SPIDR: variants seen among roughly 807,000 people sequenced by gnomAD.
The protein encoded by SPIDR is scaffold protein involved in DNA repair, also known as DNA repair-scaffolding protein.
SPIDR carries 93 observed loss-of-function variants against 104.6 expected under a neutral mutation model. The ratio of observed to expected loss-of-function variants is 0.89; its 90% CI spans 0.75 to 1.06. SPIDR has a LOEUF of 1.06. Among genes scored for constraint, SPIDR ranks in the 50% least tolerant of loss-of-function variants. SPIDR has a pLI of 0.00. For missense variants in SPIDR, 1,154 were observed against 1,111.2 expected, an observed-to-expected ratio of 1.04 and a Z score of -0.55; for synonymous variants, 431 against 416.9, an observed-to-expected ratio of 1.03 and a Z score of -0.41.
chr8:47,660,843 C>A, intron 10 of SPIDR: 1 of 498,532 alleles, frequency 2.0e-6, no homozygotes, highest in Non-Finnish European at 2.6e-6. Context: ...CTTAGGAGAG[C>A]TGGCCCTTAA....
chr8:47,515,351 A>G (rs1261030964), intron 8 of SPIDR, among the ~76,000 whole-genome samples: 1 of 152,224 alleles, frequency 6.6e-6, no homozygotes, highest in African/African-American at 2.4e-5. Flanking sequence ...TTCTCCAAAC[A>G]CTTAGCAAAG....
chr8:47,570,480 A>G (rs1385042954), intron 8 of SPIDR, among the ~76,000 whole-genome samples: 2 of 152,206 alleles, frequency 1.3e-5, no homozygotes, highest in African/African-American at 4.8e-5. Flanking sequence ...ACAAGAAGAA[A>G]TCTTCCTGAC....
intron 10 of SPIDR, among the ~76,000 whole-genome samples, chr8:47,648,130 A>T (rs1004305412): frequency 1.7e-4 from 26 of 152,332 alleles, no homozygotes; most frequent in African/African-American, 6.0e-4. Context: ...TGAGTCCTCC[A>T]TTAGGGCAAG....
chr8:47,269,035 CTCA>C (rs2034690636), intron 1 of SPIDR, among the ~76,000 whole-genome samples: 1 of 152,002 alleles, frequency 6.6e-6, no homozygotes, highest in Non-Finnish European at 1.5e-5. Flanking sequence ...GATGTGGTGG[CTCA>C]TGCCTGTGGT....
chr8:47,401,094 G>A (rs990481588), intron 6 of SPIDR, among the ~76,000 whole-genome samples: 8 of 152,014 alleles, frequency 5.3e-5, no homozygotes, highest in East Asian at 1.9e-4. Flanking sequence ...GAGAAAGGTC[G>A]GGTTACTCAC....
intron 5 of SPIDR, among the ~76,000 whole-genome samples, chr8:47,393,269 C>T (rs972359559): frequency 6.6e-6 from 1 of 152,180 alleles, no homozygotes; most frequent in Admixed American, 6.5e-5. Flanking sequence ...GTTATTGCAT[C>T]CTTTTCCTCA....
intron 10 of SPIDR, among the ~76,000 whole-genome samples, chr8:47,627,772 G>A (rs1422910264): frequency 1.4e-4 from 21 of 152,172 alleles, no homozygotes; most frequent in African/African-American, 2.4e-5. Flanking sequence ...AACCAGACCC[G>A]CCGGTTCATT....
intron 8 of SPIDR, among the ~76,000 whole-genome samples, chr8:47,519,584 A>T (rs1411652508): frequency 6.6e-6 from 1 of 152,192 alleles, no homozygotes; most frequent in Admixed American, 6.5e-5. Flanking sequence ...GGAGTTCAGA[A>T]CTAGTCTGGG....
At chr8:47,442,774 A>AT (rs1321308689) in intron 8 of SPIDR, among the ~76,000 whole-genome samples, 1 of 151,626 alleles carries the variant, frequency 6.6e-6, no homozygotes, top group Non-Finnish European at 1.5e-5. Flanking sequence ...TTCTTTTTCT[A>AT]TTTTTTGTAG....
intron 10 of SPIDR, among the ~76,000 whole-genome samples, chr8:47,670,946 C>T (rs1197534768): frequency 4.0e-5 from 6 of 151,862 alleles, no homozygotes; most frequent in Non-Finnish European, 8.8e-5. Flanking sequence ...TCTCACTGTG[C>T]CACCCAGGCT....
chr8:47,531,895 A>C (rs72646352), intron 8 of SPIDR, among the ~76,000 whole-genome samples: 6,667 of 152,292 alleles, frequency 0.044, 229 homozygotes, highest in Middle Eastern at 0.12. Flanking sequence ...ATCATATAAA[A>C]TGGCCAATTA....
chr8:47,271,225 A>G (rs1029330097), intron 1 of SPIDR, among the ~76,000 whole-genome samples: 1 of 152,086 alleles, frequency 6.6e-6, no homozygotes, highest in South Asian at 2.1e-4. Context: ...TGCTATTTGG[A>G]GTTTTTAAGC....
chr8:47,699,469 G>A (rs910623698), intron 11 of SPIDR, among the ~76,000 whole-genome samples: 2 of 152,152 alleles, frequency 1.3e-5, no homozygotes, highest in East Asian at 1.9e-4. Context: ...GCCAGGTCTC[G>A]GAAGTGCAGT....
chr8:47,633,406 G>A (rs1010357671), intron 10 of SPIDR, among the ~76,000 whole-genome samples: 7 of 152,104 alleles, frequency 4.6e-5, no homozygotes, highest in African/African-American at 1.7e-4. Context: ...CTTTATAGGA[G>A]GGGGATGGCA....
intron 8 of SPIDR, among the ~76,000 whole-genome samples, chr8:47,461,413 GC>G: frequency 6.6e-6 from 1 of 152,258 alleles, no homozygotes; most frequent in East Asian, 1.9e-4. Flanking sequence ...CCGGATTCAA[GC>G]GATTCTCCTG....
chr8:47,566,093 G>A (rs566897851), intron 8 of SPIDR, among the ~76,000 whole-genome samples: 495 of 132,534 alleles, frequency 3.7e-3, no homozygotes, highest in African/African-American at 0.014. Context: ...CACAACCTCC[G>A]TCTCCCAGGT....
intron 5 of SPIDR, among the ~76,000 whole-genome samples, chr8:47,364,700 A>G (rs2056850306): frequency 1.3e-5 from 2 of 152,182 alleles, no homozygotes; most frequent in South Asian, 4.1e-4. Flanking sequence ...GTTTTTCAGG[A>G]AGTCTTTTCG....
intron 11 of SPIDR, among the ~76,000 whole-genome samples, chr8:47,679,783 G>A (rs73569227): frequency 0.026 from 4,009 of 152,328 alleles, 135 homozygotes; most frequent in African/African-American, 0.084. Context: ...ATGCCCAGCC[G>A]CCATATTTCA....
At chr8:47,412,912 G>T (rs980364614) in intron 7 of SPIDR, among the ~76,000 whole-genome samples, 10 of 152,080 alleles carry the variant, frequency 6.6e-5, no homozygotes, top group South Asian at 2.1e-4. Flanking sequence ...AACTTCTTTT[G>T]TTCTGCTTGA....
Sources: gnomAD v4.1 joint callset for allele counts (sites outside exome capture counted in the v4.1 genomes callset) on GRCh38, gnomAD v4.1.1 for gene constraint, MANE v1.5 for transcripts, NCBI Gene and HGNC (gene_info 2026-07-23, HGNC 2026-07-21) for gene names.